SYNE2: variants seen among roughly 807,000 people sequenced by gnomAD.
SYNE2 encodes spectrin repeat containing nuclear envelope protein 2.
In SYNE2, 431 loss-of-function variants were observed where a neutral mutation model predicts 856.3. That is an observed-to-expected ratio of 0.50 (90% CI 0.47 to 0.55). SYNE2 has a LOEUF of 0.55. Ranked by LOEUF, SYNE2 falls within the 20% of genes least tolerant of loss-of-function variation. SYNE2 has a pLI of 0.00. For missense variants in SYNE2, 8,129 were observed against 8,023.2 expected, an observed-to-expected ratio of 1.01 and a Z score of -0.50; for synonymous variants, 2,923 against 2,872.3, an observed-to-expected ratio of 1.02 and a Z score of -0.56.
intron 28 of SYNE2, 42 bp downstream of exon 28, chr14:64,000,761 A>C: frequency 1.2e-4 from 182 of 1,565,890 alleles, no homozygotes; most frequent in Non-Finnish European, 1.5e-4. Context: ...TAATAAACTC[A>C]CTAAATCCTG....
intron 2 of SYNE2, among the ~76,000 whole-genome samples, chr14:63,913,183 C>T (rs2095493724): frequency 6.6e-6 from 1 of 152,190 alleles, no homozygotes; most frequent in African/African-American, 2.4e-5. Flanking sequence ...GATCCTCCTA[C>T]CTCAGCCTCC....
At chr14:63,825,454 G>T (rs1220914072) in intron 1 of SYNE2, among the ~76,000 whole-genome samples, 1 of 151,872 alleles carries the variant, frequency 6.6e-6, no homozygotes, top group Non-Finnish European at 1.5e-5. Context: ...TACTGTCAAT[G>T]AAAAAAATCA....
intron 83 of SYNE2, 39 bp from the exon 84 acceptor site, chr14:64,146,025 AACAT>A: frequency 7.0e-7 from 1 of 1,423,690 alleles, no homozygotes; most frequent in Non-Finnish European, 9.5e-7. Context: ...TACCTTTTAA[AACAT>A]ACATTTTAAC....
Position 64,101,948 on chromosome 14 carries a change from C to T in SYNE2, c.12398C>T (p.Ala4133Val). 1.2e-6 allele frequency: 2 copies of T among 1,613,610 alleles called. No individual in the cohort carries two copies. The highest frequency in any genetic ancestry group is 1.7e-6 in the Non-Finnish European group (2 of 1,179,588). ...SVKSDNGDEK[A>V]EPSPQSWSSL... ...CTGTGATAGAATGGAGATGAGAAGG[C>T]AGAGCCATCGCCTCAGTCTTGGTCT... Residue 4133 changes from alanine (A) to valine (V), a missense_variant, in exon 64 of 116, where the codon GCA becomes GTA. By Grantham distance (64) the Ala-to-Val change is moderately conservative. Coordinates refer to ENST00000555002, the MANE Select transcript of SYNE2 (RefSeq NM_182914.3).
At chr14:63,916,574 G>T (rs980755056) in intron 2 of SYNE2, among the ~76,000 whole-genome samples, 1 of 152,116 alleles carries the variant, frequency 6.6e-6, no homozygotes, top group Admixed American at 6.6e-5. Flanking sequence ...AAAGTTCTAT[G>T]AAGTACCCCA....
chr14:64,120,093 CTG>C (rs969984518), intron 67 of SYNE2, among the ~76,000 whole-genome samples: 2 of 152,140 alleles, frequency 1.3e-5, no homozygotes, highest in Non-Finnish European at 2.9e-5. Flanking sequence ...TAAAAGCACT[CTG>C]TGTTTATAAA....
At chr14:63,831,526 A>G (rs1889666395) in intron 1 of SYNE2, among the ~76,000 whole-genome samples, 1 of 149,332 alleles carries the variant, frequency 6.7e-6, no homozygotes, top group Non-Finnish European at 1.5e-5. Flanking sequence ...GGAAATAGAT[A>G]ATATTAGAAT....
intron 57 of SYNE2, chr14:64,085,133 C>T (rs1567247990): frequency 7.9e-6 from 5 of 630,326 alleles, no homozygotes; most frequent in Non-Finnish European, 1.4e-5. Flanking sequence ...AGTGCAGTGG[C>T]ACAATGTCGG....
rs2098714759 is a variant in SYNE2 at position 64,225,391 on chromosome 14, G to GCTC, written c.20595_20597dup (p.Leu6871dup). ...TCCGGGCAGCCCTACCCCTGCAGCT[G>GCTC]CTCCTCCTGCTGCTGCTGCTCCTGG... On this transcript the variant is annotated inframe_insertion, in exon 116 of 116. Transcript: ENST00000555002. The GCTC allele has an allele frequency of 4.3e-6, 7 of 1,614,090 alleles. No individual in the cohort carries two copies. Among genetic ancestry groups the GCTC allele is most frequent in the South Asian group, 1.1e-5 (1 of 91,074 alleles).
chr14:63,858,681 C>G (rs1017080040), intron 1 of SYNE2, among the ~76,000 whole-genome samples: 4 of 152,104 alleles, frequency 2.6e-5, no homozygotes, highest in African/African-American at 9.7e-5. Context: ...AAAGTTCCAT[C>G]TCTTAATACT....
intron 96 of SYNE2, among the ~76,000 whole-genome samples, chr14:64,183,080 G>T: frequency 6.7e-6 from 1 of 148,178 alleles, no homozygotes; most frequent in South Asian, 2.1e-4. Flanking sequence ...CTTCCCGGAC[G>T]GGGCGGCTGC....
At chr14:63,946,241 AG>A (rs1294606510) in intron 6 of SYNE2, among the ~76,000 whole-genome samples, 1 of 151,820 alleles carries the variant, frequency 6.6e-6, no homozygotes, top group Non-Finnish European at 1.5e-5. Flanking sequence ...GGGCAACATA[AG>A]GAGACCCCAT....
At chr14:63,768,311 A>G (rs1395628808) in intron 1 of SYNE2, among the ~76,000 whole-genome samples, 2 of 152,188 alleles carry the variant, frequency 1.3e-5, no homozygotes, top group African/African-American at 4.8e-5. Flanking sequence ...ACCACCCCAC[A>G]ATTAAAGGCA....
intron 60 of SYNE2, among the ~76,000 whole-genome samples, chr14:64,091,509 A>G (rs1036453671): frequency 6.6e-6 from 1 of 152,226 alleles, no homozygotes; most frequent in Non-Finnish European, 1.5e-5. Flanking sequence ...TGACTTGCTG[A>G]AAGACCACAG....
In SYNE2 at chr14:64,221,691, G is replaced by T. The variant is rs200847772; in HGVS notation, c.20177G>T (p.Arg6726Leu). 1 of 1,613,756 alleles carries T rather than the reference G, an allele frequency of 6.2e-7. No homozygotes were observed. Among genetic ancestry groups the T allele is most frequent in the Admixed American group, 1.7e-5 (1 of 60,006 alleles). ...GACCCCCGGGCTCTCCTAGAGTGTC[G>T]GAGGGAACTAATGGTAAGTTTCCTC... ...KADPRALLECRRELMQLEKEL... is the reference protein window; with the variant it reads ...KADPRALLECLRELMQLEKEL... The change falls in exon 112 of 116, where the codon CGG becomes CTG. Residue 6726 changes from arginine to leucine, a missense_variant. Arg to Leu is a moderately radical substitution (Grantham distance 102). Around this residue, in one of 3 missense-constraint regions of SYNE2, gnomAD observed 5,410 missense variants for 5,284.8 expected, o/e 1.02. Coordinates refer to ENST00000555002, the MANE Select transcript of SYNE2 (RefSeq NM_182914.3).
intron 21 of SYNE2, among the ~76,000 whole-genome samples, chr14:63,993,341 T>C (rs751642119): frequency 6.6e-5 from 10 of 152,190 alleles, no homozygotes; most frequent in Non-Finnish European, 1.5e-4. Flanking sequence ...ATTGTGATTG[T>C]GCCACTGCAC....
intron 1 of SYNE2, among the ~76,000 whole-genome samples, chr14:63,891,766 C>T (rs1012263593): frequency 2.0e-5 from 3 of 151,938 alleles, no homozygotes; most frequent in Non-Finnish European, 2.9e-5. Context: ...TGCTAATTTC[C>T]TCTGTAAGGG....
At chr14:64,072,242 G>A (rs1169759028) in intron 52 of SYNE2, among the ~76,000 whole-genome samples, 4 of 152,182 alleles carry the variant, frequency 2.6e-5, no homozygotes, top group African/African-American at 4.8e-5. Flanking sequence ...TAGTTTTATG[G>A]CTAGAGGTGC....
chr14:63,814,681 TATATATCCATATATATATCC>T lies in SYNE2; in HGVS notation c.-304-37813_-304-37794del, dbSNP rs1489872098. 4.8e-3 allele frequency among the ~76,000 whole-genome samples: 620 copies of T among 130,480 alleles called. 23 individuals carry two copies. The highest frequency in any genetic ancestry group is 0.017 in the African/African-American group (586 of 35,202). The allele number at this position is 130,480 out of a possible 152,430, so 85.6% of individuals were successfully genotyped here. The stretch of plus-strand genomic sequence containing the variant: ...CCTTATATATATCCATATATATCCA[TATATATCCATATATATATCC>T]ATATATATCCATATATATCCATATA... On this transcript the variant is annotated intron_variant, in intron 1 of 23. Coordinates refer to the SYNE2 transcript ENST00000674003.
Sources: gnomAD v4.1 joint callset for allele counts (sites outside exome capture counted in the v4.1 genomes callset) on GRCh38, gnomAD v4.1.1 for gene constraint, gnomAD v4.1.1 regional missense constraint, MANE v1.5 for transcripts, NCBI Gene and HGNC (gene_info 2026-07-23, HGNC 2026-07-21) for gene names.